The following STK32B variants were observed in gnomAD, a reference collection of about 807,000 sequenced individuals.
STK32B encodes the protein serine/threonine-protein kinase 32B.
In STK32B, 43 loss-of-function variants were observed where a neutral mutation model predicts 52.6. The observed-to-expected ratio is 0.82, with a 90% CI of 0.64 to 1.05. The LOEUF (loss-of-function observed/expected upper bound fraction) is 1.05, where lower values mean the gene tolerates loss of function less well. STK32B is among the 50% of genes least tolerant of loss of function. The probability of loss-of-function intolerance (pLI) is 0.00; values close to 1 mark genes in which losing one functional copy is unlikely to be tolerated. For missense variants in STK32B, 621 were observed against 534.6 expected, an observed-to-expected ratio of 1.16 and a Z score of -1.59; for synonymous variants, 238 against 204.3, an observed-to-expected ratio of 1.17 and a Z score of -1.41.
At chr4:5,434,144 C>CA (rs1398869282) in intron 6 of STK32B, among the ~76,000 whole-genome samples, 1 of 152,098 alleles carries the variant, frequency 6.6e-6, no homozygotes, top group Non-Finnish European at 1.5e-5. Context: ...ATTTTGGACT[C>CA]ACAAGAATCC....
intron 1 of STK32B, among the ~76,000 whole-genome samples, chr4:5,131,373 C>T (rs942685922): frequency 6.6e-6 from 1 of 152,232 alleles, no homozygotes; most frequent in Admixed American, 6.5e-5. Flanking sequence ...TTTATCTCCA[C>T]CTGATTACAT....
Position 5,366,830 on chromosome 4 carries a change from G to A in STK32B, c.435-31377G>A, listed in dbSNP as rs79431577. The stretch of plus-strand genomic sequence containing the variant: ...GTGGCCCTGATGGTAGCTGCCATCC[G>A]TTGCGTACCCAGTGTGTTACAGGGT... On this transcript the variant is annotated intron_variant, in intron 4 of 11. Coordinates refer to ENST00000282908, the MANE Select transcript of STK32B (RefSeq NM_018401.3). Among the ~76,000 whole-genome samples the A allele has an allele frequency of 4.5e-3, 692 of 152,258 alleles. 4 individuals are homozygous for A. Among genetic ancestry groups the A allele is most frequent in the African/African-American group, 0.015 (623 of 41,552 alleles).
rs1446325920 is a variant in STK32B, at chr4:5,400,735, T to C, written c.472+2491T>C. Reference sequence around the variant, plus strand: ...TCTATGCCCATGGCCCTCCTTTACCTGCTCTTCTGAGGGGAGCTGATCGGC... The same window carrying C: ...TCTATGCCCATGGCCCTCCTTTACCCGCTCTTCTGAGGGGAGCTGATCGGC... On this transcript the variant is annotated intron_variant, in intron 5 of 11. Coordinates refer to ENST00000282908, the MANE Select transcript of STK32B (RefSeq NM_018401.3). This position sits in a 1 kb window ranked among gnomAD's most constrained non-coding sequence, Gnocchi z 6.1. 1.3e-5 allele frequency among the ~76,000 whole-genome samples: 2 copies of C among 152,182 alleles called. No homozygotes were observed. Among genetic ancestry groups the C allele is most frequent in the Non-Finnish European group, 2.9e-5 (2 of 68,024 alleles).
chr4:5,256,699 G>A (rs758589805), intron 3 of STK32B, among the ~76,000 whole-genome samples: 1 of 152,234 alleles, frequency 6.6e-6, no homozygotes, highest in Non-Finnish European at 1.5e-5. Context: ...GAGCCTGAGT[G>A]ACTGAGTATC....
intron 3 of STK32B, among the ~76,000 whole-genome samples, chr4:5,312,939 C>T (rs1403756165): frequency 6.6e-6 from 1 of 151,958 alleles, no homozygotes; most frequent in African/African-American, 2.4e-5. Flanking sequence ...TCTCCATATC[C>T]TCTCCAGCAC....
At chr4:5,352,630 AAC>A (rs200144917) in intron 4 of STK32B, among the ~76,000 whole-genome samples, 5,567 of 151,490 alleles carry the variant, frequency 0.037, 151 homozygotes, top group Non-Finnish European at 0.055. Flanking sequence ...AAAAAAAAAA[AAC>A]GTCCAAACTA....
intron 3 of STK32B, among the ~76,000 whole-genome samples, chr4:5,188,981 G>A (rs956783635): frequency 2.3e-4 from 35 of 151,118 alleles, no homozygotes; most frequent in African/African-American, 7.3e-4. Flanking sequence ...CCTGCACGTT[G>A]TGCACGTGTA....
At chr4:5,463,477 C>T (rs1717188860) in intron 9 of STK32B, among the ~76,000 whole-genome samples, 1 of 129,948 alleles carries the variant, frequency 7.7e-6, no homozygotes, top group Admixed American at 7.2e-5. Flanking sequence ...CACTCACACA[C>T]TCAGTCACAC....
intron 3 of STK32B, among the ~76,000 whole-genome samples, chr4:5,316,657 ATAATATATATTATAT>A (rs1169825189): frequency 2.1e-4 from 3 of 14,460 alleles, no homozygotes; most frequent in Non-Finnish European, 2.7e-4. Context: ...TATATAATAT[ATAATATATATTATAT>A]ATATAATATA....
chr4:5,204,750 G>A (rs995496967), intron 3 of STK32B, among the ~76,000 whole-genome samples: 2 of 152,120 alleles, frequency 1.3e-5, no homozygotes, highest in Non-Finnish European at 2.9e-5. Context: ...TTACAGGTGT[G>A]AGCCACTGCT....
intron 11 of STK32B, among the ~76,000 whole-genome samples, chr4:5,479,265 G>T (rs758315201): frequency 6.6e-6 from 1 of 151,498 alleles, no homozygotes; most frequent in African/African-American, 2.4e-5. Context: ...GATTACAGGC[G>T]CCCACCACCA....
intron 11 of STK32B, among the ~76,000 whole-genome samples, chr4:5,492,920 T>A (rs1196558787): frequency 6.6e-6 from 1 of 151,156 alleles, no homozygotes; most frequent in South Asian, 2.1e-4. Context: ...ATCCCAGGGA[T>A]GAAGCCCACT....
In STK32B at chr4:5,318,294, A is replaced by T. The variant is rs149280342; in HGVS notation, c.261-12926A>T. Among the ~76,000 whole-genome samples, 522 of 152,256 alleles carry T rather than the reference A, an allele frequency of 3.4e-3. 3 individuals carry two copies. Among genetic ancestry groups the T allele is most frequent in the African/African-American group, 0.012 (501 of 41,558 alleles). On this transcript the variant is annotated intron_variant, in intron 3 of 11. Coordinates refer to ENST00000282908, the MANE Select transcript of STK32B (RefSeq NM_018401.3). ...GTCAGAAAGAAGTGGGGCTTCTTAA[A>T]ACAGGCAGTGAAAGAAGGCCTGCCT... is the stretch of plus-strand genomic sequence containing the variant.
intron 3 of STK32B, among the ~76,000 whole-genome samples, chr4:5,316,211 T>A (rs1730689359): frequency 1.3e-5 from 1 of 79,718 alleles, no homozygotes; most frequent in African/African-American, 9.9e-5. Context: ...ATAATATATA[T>A]TACATAATAT....
intron 2 of STK32B, among the ~76,000 whole-genome samples, chr4:5,151,119 G>A (rs1717331455): frequency 6.6e-6 from 1 of 152,078 alleles, no homozygotes; most frequent in Admixed American, 6.6e-5. Context: ...TTTCTAGAAG[G>A]TCTATTTCTA....
rs751371418 is a variant in STK32B at position 5,398,175 on chromosome 4, C to G, written c.435-32C>G. 4 of 1,613,158 alleles carry G rather than the reference C, an allele frequency of 2.5e-6. No individual in the cohort carries two copies. In the Admixed American group the frequency reaches 6.7e-5, roughly 27 times the overall value. On this transcript the variant is annotated intron_variant, in intron 4 of 11. Coordinates refer to ENST00000282908, the MANE Select transcript of STK32B (RefSeq NM_018401.3). The surrounding 1 kb of genome is among the most constrained non-coding windows in gnomAD (Gnocchi z 4.9). ...TGTGCTCATCTGTGGGCTCAGGAAC[C>G]ACATTGCCAGCTTCTTTGTTTTCTT...
chr4:5,119,800 G>A (rs1215124292), intron 1 of STK32B, among the ~76,000 whole-genome samples: 1 of 152,234 alleles, frequency 6.6e-6, no homozygotes, highest in Non-Finnish European at 1.5e-5. Flanking sequence ...TGAAGCTAAT[G>A]TGCTGACTAG....
At chr4:5,104,730 C>T (rs1019038944) in intron 1 of STK32B, among the ~76,000 whole-genome samples, 3 of 152,114 alleles carry the variant, frequency 2.0e-5, no homozygotes, top group Admixed American at 6.5e-5. Flanking sequence ...AACACGACTG[C>T]TTAGTTTTGC....
chr4:5,483,696 A>T (rs570251091), intron 11 of STK32B, among the ~76,000 whole-genome samples: 1 of 151,834 alleles, frequency 6.6e-6, no homozygotes, highest in African/African-American at 2.4e-5. Flanking sequence ...TCAATTTTAG[A>T]TCTTTCCTGC....
Sources: allele counts gnomAD v4.1 joint callset (sites outside exome capture counted in the v4.1 genomes callset), GRCh38; gene constraint gnomAD v4.1.1; non-coding constraint Gnocchi (gnomAD v3.1); transcripts MANE v1.5; gene names NCBI Gene and HGNC (gene_info 2026-07-23, HGNC 2026-07-21).